ZBED4: variants seen among roughly 807,000 people sequenced by gnomAD.
ZBED4 encodes zinc finger BED domain-containing protein 4.
A neutral mutation model predicts 15.5 loss-of-function variants in ZBED4; 4 were observed. The observed-to-expected ratio is 0.26, with a 90% CI of 0.13 to 0.59. The LOEUF (loss-of-function observed/expected upper bound fraction) is 0.59, where lower values mean the gene tolerates loss of function less well. Ranked by LOEUF, ZBED4 falls within the 20% of genes least tolerant of loss-of-function variation. The pLI, the probability that ZBED4 is intolerant of heterozygous loss-of-function variation, is 0.90. For missense variants in ZBED4, 1,323 were observed against 1,461.8 expected (o/e 0.91, Z 1.55); for synonymous variants, 692 against 608.5 (o/e 1.14, Z -2.02).
At position 49,885,320 on chromosome 22, in the gene ZBED4, T is replaced by C. The variant is rs922716056; in HGVS notation, c.1658T>C (p.Phe553Ser). 2 of 1,592,634 alleles carry C rather than the reference T, an allele frequency of 1.3e-6. No individual in the cohort carries two copies. Among genetic ancestry groups the C allele is most frequent in the Non-Finnish European group, 1.7e-6 (2 of 1,168,382 alleles). Residue 553 changes from phenylalanine (F) to serine (S), a missense_variant, in exon 2 of 2, where the codon TTT (phenylalanine) becomes TCT (serine). Physicochemically the swap from Phe to Ser is radical, Grantham distance 155 (BLOSUM62 -2). Coordinates refer to ENST00000216268, the MANE Select transcript of ZBED4 (RefSeq NM_014838.3). ...TVVTKNNQVM[F>S]PVNSKKTSKL... ...GTCACAAAAAACAATCAAGTTATGTTTCCTGTTAATAGCAAAAAGACCTCG... is the reference window on the plus strand; with the variant it reads ...GTCACAAAAAACAATCAAGTTATGTCTCCTGTTAATAGCAAAAAGACCTCG...
chr22:49,855,934 C>T (rs922761517), intron 1 of ZBED4, among the ~76,000 whole-genome samples: 1 of 152,210 alleles, frequency 6.6e-6, no homozygotes, highest in Non-Finnish European at 1.5e-5. Context: ...AGTCACTGTG[C>T]CTTTAGCCCG....
At chr22:49,881,437 G>A (rs1417905964) in intron 1 of ZBED4, among the ~76,000 whole-genome samples, 2 of 152,226 alleles carry the variant, frequency 1.3e-5, no homozygotes, top group Non-Finnish European at 2.9e-5. Context: ...CCAGGCTGGA[G>A]TGCAGTGGCA....
In ZBED4 at chr22:49,885,019, G is replaced by A. The variant is rs746916270; in HGVS notation, c.1357G>A (p.Val453Ile). ...SGAIFQQNKK[V>I]MKRLKSEVWH... ...CGCCATCTTCCAGCAGAATAAAAAG[G>A]TCATGAAAAGACTGAAGTCGGAGGT... Residue 453 changes from valine (V) to isoleucine (I), a missense_variant, in exon 2 of 2, where the codon GTC becomes ATC. Transcript: ENST00000216268. 1.9e-6 allele frequency: 3 copies of A among 1,613,044 alleles called. No homozygotes were observed. The highest frequency in any genetic ancestry group is 1.1e-5 in the South Asian group (1 of 90,970).
intron 1 of ZBED4, among the ~76,000 whole-genome samples, chr22:49,869,842 G>A (rs2060338559): frequency 6.6e-6 from 1 of 152,106 alleles, no homozygotes; most frequent in Non-Finnish European, 1.5e-5. Flanking sequence ...AGATTCATCA[G>A]GCACATGTGC....
At chr22:49,878,258 C>G (rs2060388231) in intron 1 of ZBED4, among the ~76,000 whole-genome samples, 1 of 147,914 alleles carries the variant, frequency 6.8e-6, no homozygotes, top group South Asian at 2.1e-4. Flanking sequence ...TGAGCCAACG[C>G]ACCACTGCAC....
At chr22:49,862,225 A>G (rs2060300291) in intron 1 of ZBED4, among the ~76,000 whole-genome samples, 1 of 152,130 alleles carries the variant, frequency 6.6e-6, no homozygotes, top group African/African-American at 2.4e-5. Flanking sequence ...ACCTATACGG[A>G]GCGGCCCCAA....
chr22:49,882,237 G>C (rs900559614), intron 1 of ZBED4, among the ~76,000 whole-genome samples: 2 of 152,150 alleles, frequency 1.3e-5, no homozygotes, highest in African/African-American at 4.8e-5. Flanking sequence ...CCACTTTCTG[G>C]CATGCCCAGT....
In ZBED4 at chr22:49,890,016, A is replaced by C. The variant is rs2060460093; in HGVS notation, c.*2838A>C. 1.2e-5 allele frequency: 2 copies of C among 167,190 alleles called. No homozygotes were observed. The highest frequency in any genetic ancestry group is 4.1e-4 in the South Asian group (2 of 4,830). The allele number at this position is 167,190 out of a possible 1,614,324, so 10.4% of individuals were successfully genotyped here. A position where few individuals can be genotyped will look rare whatever the true frequency, so the allele number is the denominator to read the frequency against. On this transcript the variant is annotated 3_prime_UTR_variant, in exon 2 of 2. Coordinates refer to ENST00000216268, the MANE Select transcript of ZBED4 (RefSeq NM_014838.3). ...AGTCATTATACGAAGGGACTTTAAAAAATTTGTGGAAATACTGAAGTAAAA... is the reference window on the plus strand; with the variant it reads ...AGTCATTATACGAAGGGACTTTAAACAATTTGTGGAAATACTGAAGTAAAA...
At chr22:49,866,683 G>A (rs2060323664) in intron 1 of ZBED4, among the ~76,000 whole-genome samples, 1 of 152,180 alleles carries the variant, frequency 6.6e-6, no homozygotes, top group South Asian at 2.1e-4. Context: ...CTGCAGTGAT[G>A]TTTTTCTGCT....
intron 1 of ZBED4, among the ~76,000 whole-genome samples, chr22:49,878,957 A>G (rs2060392621): frequency 6.6e-6 from 1 of 151,856 alleles, no homozygotes; most frequent in African/African-American, 2.4e-5. Context: ...ATCGTGGCCA[A>G]CATGGTGAAA....
intron 1 of ZBED4, among the ~76,000 whole-genome samples, chr22:49,878,992 A>G (rs2060392859): frequency 6.6e-6 from 1 of 151,482 alleles, no homozygotes. Flanking sequence ...AAAATACAAA[A>G]AAATTAGCCG....
intron 1 of ZBED4, among the ~76,000 whole-genome samples, chr22:49,865,003 C>T (rs192882446): frequency 7.1e-6 from 1 of 140,800 alleles, no homozygotes; most frequent in Admixed American, 7.5e-5. Flanking sequence ...TTCTCCCCTG[C>T]AAACCCTTAT....
At position 49,886,853 on chromosome 22, in the gene ZBED4, TGTG is replaced by T; in HGVS notation, c.3194_3196del (p.Trp1065del). ...AAAGACTCTGCCGCAGAGGAGAACCTGTGGTCACTTGTGGCCAAGGTGAAGAAG... is the reference window on the plus strand; with the variant it reads ...AAAGACTCTGCCGCAGAGGAGAACCTGTCACTTGTGGCCAAGGTGAAGAAG... On this transcript the variant is annotated inframe_deletion, in exon 2 of 2. Transcript: ENST00000216268. This position sits in a 1 kb window ranked among gnomAD's most constrained non-coding sequence, Gnocchi z 7.7. 2 of 1,614,038 alleles carry T rather than the reference TGTG, an allele frequency of 1.2e-6. No homozygotes were observed. The highest frequency in any genetic ancestry group is 1.7e-6 in the Non-Finnish European group (2 of 1,180,020).
At chr22:49,862,399 C>G (rs576000043) in intron 1 of ZBED4, among the ~76,000 whole-genome samples, 1 of 152,376 alleles carries the variant, frequency 6.6e-6, no homozygotes, top group African/African-American at 2.4e-5. Flanking sequence ...CCACTGCGCC[C>G]AGCCTAGTGT....
intron 1 of ZBED4, among the ~76,000 whole-genome samples, chr22:49,878,371 GT>G (rs991693262): frequency 3.7e-4 from 56 of 151,842 alleles, no homozygotes; most frequent in Non-Finnish European, 7.5e-4. Context: ...ATAACTGGGA[GT>G]GGAACAGCTG....
At chr22:49,865,734 C>G (rs749888384) in intron 1 of ZBED4, among the ~76,000 whole-genome samples, 1 of 152,070 alleles carries the variant, frequency 6.6e-6, no homozygotes, top group African/African-American at 2.4e-5. Flanking sequence ...GTTTGCTCTC[C>G]GGTAGATCTC....
upstream of ZBED4, among the ~76,000 whole-genome samples, chr22:49,853,581 C>T (rs1023860012): frequency 6.6e-6 from 1 of 152,082 alleles, no homozygotes; most frequent in South Asian, 2.1e-4. Flanking sequence ...CCCTTCCCGT[C>T]GCCCGCCAGC....
In ZBED4 at chr22:49,884,723, C is replaced by A; in HGVS notation, c.1061C>A (p.Thr354Asn). ...ACGGGCATCCCGCCACTGTACTCCA[C>A]CCCTCCCACTCTGCTGCCTTCCTTG... ...GGTGIPPLYS[T>N]PPTLLPSLLP... Residue 354 changes from threonine (T) to asparagine (N), a missense_variant, in exon 2 of 2, where the codon ACC becomes AAC. Thr to Asn is a moderately conservative substitution (Grantham distance 65, BLOSUM62 0). Transcript: ENST00000216268. The A allele has an allele frequency of 6.3e-7, 1 of 1,595,150 alleles. No homozygotes were observed. Among genetic ancestry groups the A allele is most frequent in the Non-Finnish European group, 8.6e-7 (1 of 1,169,246 alleles).
At chr22:49,869,134 A>AG (rs1320361053) in intron 1 of ZBED4, among the ~76,000 whole-genome samples, 2 of 151,784 alleles carry the variant, frequency 1.3e-5, no homozygotes, top group African/African-American at 2.4e-5. Context: ...AAAAAAAAAA[A>AG]AAAGAAAAAT....
Sources: allele counts gnomAD v4.1 joint callset (sites outside exome capture counted in the v4.1 genomes callset), GRCh38; gene constraint gnomAD v4.1.1; non-coding constraint Gnocchi (gnomAD v3.1); transcripts MANE v1.5; gene names NCBI Gene and HGNC (gene_info 2026-07-23, HGNC 2026-07-21).